POLR2B: variants seen among roughly 807,000 people sequenced by gnomAD.
POLR2B encodes the protein RNA polymerase II subunit B.
POLR2B carries 57 observed loss-of-function variants against 144.6 expected under a neutral mutation model. That is an observed-to-expected ratio of 0.39 (90% CI 0.32 to 0.49). The LOEUF (loss-of-function observed/expected upper bound fraction) is 0.49. Ranked by LOEUF, POLR2B falls within the 20% of genes least tolerant of loss-of-function variation. The pLI is 0.83. For missense variants in POLR2B, 595 were observed against 1,467.4 expected (o/e 0.41, Z 9.71); for synonymous variants, 442 against 469.8 (o/e 0.94, Z 0.77).
intron 13 of POLR2B, among the ~76,000 whole-genome samples, chr4:57,015,230 A>G (rs1723328721): frequency 6.6e-6 from 1 of 152,250 alleles, no homozygotes; most frequent in Non-Finnish European, 1.5e-5. Flanking sequence ...TGTGGTATTG[A>G]AAAAATATTT....
chr4:56,993,397 A>T (rs754377409), intron 3 of POLR2B, among the ~76,000 whole-genome samples: 2 of 152,226 alleles, frequency 1.3e-5, no homozygotes, highest in Non-Finnish European at 2.9e-5. Flanking sequence ...GACCTAGACT[A>T]GATGATGGCA....
chr4:56,994,041 T>C (rs1157872096), intron 3 of POLR2B, among the ~76,000 whole-genome samples: 1 of 152,228 alleles, frequency 6.6e-6, no homozygotes, highest in Non-Finnish European at 1.5e-5. Context: ...ATTAAGTCTC[T>C]TTTTGTCTTC....
At chr4:56,987,683 C>A (rs1722374391) in intron 2 of POLR2B, among the ~76,000 whole-genome samples, 1 of 151,804 alleles carries the variant, frequency 6.6e-6, no homozygotes, top group Non-Finnish European at 1.5e-5. Context: ...GAGTTGGAGA[C>A]CAGCCTGGCC....
intron 5 of POLR2B, 61 bp from the exon 6 acceptor site, chr4:56,995,190 C>A: frequency 8.0e-7 from 1 of 1,255,076 alleles, no homozygotes; most frequent in South Asian, 1.4e-5. Context: ...AGATTTTACT[C>A]TCTTTTCTCT....
intron 13 of POLR2B, among the ~76,000 whole-genome samples, chr4:57,014,748 T>TGC (rs1723313315): frequency 2.1e-5 from 3 of 140,448 alleles, no homozygotes; most frequent in Middle Eastern, 4.6e-3. Context: ...TCGTGATCCA[T>TGC]CCACCTCGGC....
intron 17 of POLR2B, among the ~76,000 whole-genome samples, chr4:57,021,201 A>G (rs1723537440): frequency 6.6e-6 from 1 of 152,234 alleles, no homozygotes; most frequent in South Asian, 2.1e-4. Context: ...TGGTAAGGAA[A>G]TATACAGTTG....
At chr4:57,015,703 G>A in intron 14 of POLR2B, 47 bp downstream of exon 14, 1 of 807,160 alleles carries the variant, frequency 1.2e-6, no homozygotes, top group Non-Finnish European at 1.8e-6. Context: ...AATTGAGATA[G>A]AATTTACATA....
At chr4:57,004,020 CTTTTTTTTTTT>C (rs138828073) in intron 7 of POLR2B, among the ~76,000 whole-genome samples, 2 of 72,338 alleles carry the variant, frequency 2.8e-5, no homozygotes, top group Non-Finnish European at 4.8e-5. Flanking sequence ...TAAATTAAAT[CTTTTTTTTTTT>C]TTTTTTTTTT....
intron 24 of POLR2B, 140 bp from the exon 25 acceptor site, chr4:57,030,759 C>A: frequency 1.6e-6 from 1 of 610,034 alleles, no homozygotes; most frequent in East Asian, 2.7e-5. Context: ...CCACCATAAG[C>A]TGAGGTAGCA....
intron 23 of POLR2B, among the ~76,000 whole-genome samples, chr4:57,026,297 C>T (rs1723718114): frequency 6.6e-6 from 1 of 151,984 alleles, no homozygotes; most frequent in Non-Finnish European, 1.5e-5. Flanking sequence ...CCAGGCTGGA[C>T]TTGAACTCAT....
At chr4:56,990,432 C>A (rs574195437) in intron 2 of POLR2B, among the ~76,000 whole-genome samples, 1 of 152,062 alleles carries the variant, frequency 6.6e-6, no homozygotes, top group African/African-American at 2.4e-5. Context: ...CATTGCGTTG[C>A]CCAGGCTGAA....
intron 2 of POLR2B, among the ~76,000 whole-genome samples, chr4:56,990,400 C>G (rs1176193564): frequency 6.6e-6 from 1 of 151,990 alleles, no homozygotes; most frequent in Non-Finnish European, 1.5e-5. Flanking sequence ...TAATTTTTTT[C>G]TTATTTGTTG....
intron 6 of POLR2B, among the ~76,000 whole-genome samples, chr4:56,996,794 T>C (rs1404901526): frequency 6.6e-6 from 1 of 152,094 alleles, no homozygotes; most frequent in African/African-American, 2.4e-5. Context: ...ACAATCCTTA[T>C]TGAGAAGGTG....
intron 17 of POLR2B, among the ~76,000 whole-genome samples, chr4:57,021,616 G>GT (rs1326942896): frequency 1.3e-5 from 2 of 148,702 alleles, no homozygotes; most frequent in Admixed American, 1.4e-4. Flanking sequence ...AGCTTCCCAA[G>GT]TACCTGGGAT....
In POLR2B at chr4:57,017,476, A is replaced by G. The variant is rs369021924; in HGVS notation, c.2155-84A>G. On this transcript the variant is annotated intron_variant, in intron 15 of 24. Coordinates refer to ENST00000314595, the MANE Select transcript of POLR2B (RefSeq NM_000938.3). The surrounding 1 kb of genome is among the most constrained non-coding windows in gnomAD (Gnocchi z 4.8). ...AAAAAAATCAGGAGTTTTACCAATC[A>G]TATTTCTTTTGATTTATTGTCAGAG... 1.4e-5 allele frequency: 16 copies of G among 1,161,852 alleles called. 1 individual carries two copies. The highest frequency in any genetic ancestry group is 1.2e-4 in the African/African-American group (8 of 65,018). The allele number at this position is 1,161,852 out of a possible 1,614,324, so 72.0% of individuals were successfully genotyped here.
At chr4:57,011,660 T>C (rs1055406561) in intron 13 of POLR2B, among the ~76,000 whole-genome samples, 7 of 152,036 alleles carry the variant, frequency 4.6e-5, no homozygotes, top group African/African-American at 1.4e-4. Context: ...CTGTCTCTAC[T>C]AAAAATACAA....
At chr4:57,007,425 A>C (rs1271689319) in intron 10 of POLR2B, among the ~76,000 whole-genome samples, 2 of 146,182 alleles carry the variant, frequency 1.4e-5, no homozygotes, top group African/African-American at 2.8e-5. Context: ...CAAAAAACAA[A>C]AAAAAAAACT....
At chr4:56,990,954 A>C (rs1037110210) in intron 3 of POLR2B, 56 bp downstream of exon 3, 4 of 1,472,358 alleles carry the variant, frequency 2.7e-6, no homozygotes, top group Non-Finnish European at 3.7e-6. Flanking sequence ...TTGAAATTTT[A>C]GCCCTTCTCT....
chr4:56,984,186 G>A (rs1167642768), intron 1 of POLR2B, among the ~76,000 whole-genome samples: 4 of 152,068 alleles, frequency 2.6e-5, no homozygotes, highest in Non-Finnish European at 4.4e-5. Flanking sequence ...CTGATAAATG[G>A]ATGAGTAAAT....
Sources: allele counts gnomAD v4.1 joint callset (sites outside exome capture counted in the v4.1 genomes callset), GRCh38; gene constraint gnomAD v4.1.1; non-coding constraint Gnocchi (gnomAD v3.1); transcripts MANE v1.5; gene names NCBI Gene and HGNC (gene_info 2026-07-23, HGNC 2026-07-21).